PRRC2C: variants seen among roughly 807,000 people sequenced by gnomAD.
PRRC2C encodes the protein protein PRRC2C.
PRRC2C carries 72 observed loss-of-function variants against 317.2 expected under a neutral mutation model. The ratio of observed to expected loss-of-function variants is 0.23; its 90% CI spans 0.19 to 0.28. PRRC2C has a LOEUF of 0.28. Among genes scored for constraint, PRRC2C ranks in the 10% least tolerant of loss-of-function variants. The pLI is 1.00. For synonymous variants in PRRC2C, 1,296 were observed against 1,205.9 expected, an observed-to-expected ratio of 1.07 and a Z score of -1.55; for missense variants, 3,074 against 3,459.7, an observed-to-expected ratio of 0.89 and a Z score of 2.80.
At chr1:171,588,330 A>G (rs775894267) in intron 32 of PRRC2C, 49 bp from the exon 33 acceptor site, 2 of 1,586,050 alleles carry the variant, frequency 1.3e-6, no homozygotes, top group South Asian at 1.2e-5. Context: ...ATCTAACAGC[A>G]TTATTTACTT....
chr1:171,510,378 A>G (rs1294740192), intron 1 of PRRC2C: 3 of 152,218 alleles, frequency 2.0e-5, no homozygotes, highest in African/African-American at 7.2e-5. Context: ...AAATAACTTA[A>G]GCAAGTTGAC....
chr1:171,540,106 T>C lies in PRRC2C; in HGVS notation c.2640T>C (p.Ser880=). The C allele has an allele frequency of 6.2e-7, 1 of 1,613,980 alleles. No individual in the cohort carries two copies. Among genetic ancestry groups the C allele is most frequent in the Non-Finnish European group, 8.5e-7 (1 of 1,179,878 alleles). The change falls in exon 16 of 35, where the codon TCT becomes TCC. Residue 880 remains serine, a synonymous_variant. Coordinates refer to ENST00000647382, the MANE Select transcript of PRRC2C (RefSeq NM_001387844.1). ...AAGTACAAAAGTTTTTAAGCAGATC[T>C]GTGGAAGATGTTAGACCTCACCATA... ...EAQVQKFLSR[S]VEDVRPHHTD... is the part of the protein sequence containing the mutation.
chr1:171,540,565 G>A lies in PRRC2C; in HGVS notation c.3099G>A (p.Arg1033=), dbSNP rs1677773854. 3.1e-6 allele frequency: 5 copies of A among 1,613,912 alleles called. No individual in the cohort carries two copies. The Admixed American group carries it at 5.0e-5, about 16-fold the overall frequency. Residue 1033 remains arginine (R), a synonymous_variant, in exon 16 of 35, where the codon AGG becomes AGA. Transcript: ENST00000647382. ...LRDMKEEREQ[R]KEKEGEKAEK... ...ATATGAAAGAGGAACGGGAACAGAG[G>A]AAGGAGAAAGAAGGAGAAAAGGCCG...
chr1:171,571,513 ATGTG>A, intron 24 of PRRC2C, 92 bp downstream of exon 24: 1 of 924,218 alleles, frequency 1.1e-6, no homozygotes, highest in Non-Finnish European at 1.7e-6. Context: ...TACTAGATTT[ATGTG>A]GTAAGCAACA....
intron 32 of PRRC2C, 62 bp from the exon 33 acceptor site, chr1:171,588,317 A>G (rs1650528135): frequency 2.6e-6 from 4 of 1,563,056 alleles, no homozygotes; most frequent in African/African-American, 1.4e-5. Flanking sequence ...GGTGTTTGCA[A>G]AAATCTAACA....
chr1:171,514,762 C>T, intron 4 of PRRC2C, 117 bp downstream of exon 4: 1 of 863,380 alleles, frequency 1.2e-6, no homozygotes, highest in Non-Finnish European at 1.8e-6. Context: ...AAAGGATATA[C>T]TCAAGGCTCT....
At chr1:171,543,470 C>T (rs1470492024) in intron 16 of PRRC2C, among the ~76,000 whole-genome samples, 1 of 152,162 alleles carries the variant, frequency 6.6e-6, no homozygotes, top group Non-Finnish European at 1.5e-5. Flanking sequence ...TTTGCTTCCT[C>T]ACCGCTAAAA....
intron 17 of PRRC2C, among the ~76,000 whole-genome samples, chr1:171,549,327 G>A (rs1571937800): frequency 6.6e-6 from 1 of 152,156 alleles, no homozygotes; most frequent in East Asian, 1.9e-4. Context: ...ATGTGCCACA[G>A]CACTAAGCCA....
chr1:171,487,313 A>G (rs938819261), intron 1 of PRRC2C, among the ~76,000 whole-genome samples: 1 of 152,216 alleles, frequency 6.6e-6, no homozygotes, highest in Non-Finnish European at 1.5e-5. Flanking sequence ...TGTAGGTTCA[A>G]TTCCATACTG....
At position 171,517,713 on chromosome 1, in the gene PRRC2C, A is replaced by G; in HGVS notation, c.649A>G (p.Lys217Glu). The change falls in exon 6 of 35, where the codon AAA becomes GAA. Residue 217 changes from lysine (K) to glutamate (E), a missense_variant. Coordinates refer to ENST00000647382, the MANE Select transcript of PRRC2C (RefSeq NM_001387844.1). ...AGTSEQNDIL[K>E]VVEKRIACGP... ...AACATCAGAGCAAAATGATATCCTC[A>G]AAGTGGTGGAAAAGAGGATAGCTTG... 2 of 1,613,714 alleles carry G rather than the reference A, an allele frequency of 1.2e-6. No homozygotes were observed. Among genetic ancestry groups the G allele is most frequent in the East Asian group, 4.5e-5 (2 of 44,864 alleles).
chr1:171,536,084 A>G lies in PRRC2C; in HGVS notation c.2099A>G (p.Gln700Arg), dbSNP rs760631952. 1.5e-4 allele frequency: 233 copies of G among 1,554,850 alleles called. No individual in the cohort carries two copies. Among genetic ancestry groups the G allele is most frequent in the Non-Finnish European group, 1.8e-4 (211 of 1,148,484 alleles). The part of the protein sequence containing the change: ...QQQQQQGVLP[Q>R]TVPSQPSSST... Reference sequence around the variant, plus strand: ...CAGCAACAGCAAGGTGTACTTCCACAGACTGTTCCTTCACAACCGTCCAGT... The same window carrying G: ...CAGCAACAGCAAGGTGTACTTCCACGGACTGTTCCTTCACAACCGTCCAGT... Residue 700 changes from glutamine to arginine, a missense_variant, in exon 14 of 35, where the codon CAG becomes CGG. Transcript: ENST00000647382.
Position 171,523,305 on chromosome 1 carries a change from G to A in PRRC2C, c.918G>A (p.Glu306=), listed in dbSNP as rs1310251088. 6.2e-7 allele frequency: 1 copy of A among 1,613,912 alleles called. No homozygotes were observed. The highest frequency in any genetic ancestry group is 1.7e-5 in the Admixed American group (1 of 60,010). The stretch of plus-strand genomic sequence containing the variant: ...TTCTTAGTGCATCAGAACTGAAGGA[G>A]CTTGATAAATTTGATAACCTAGATG... ...PSILSASELK[E]LDKFDNLDAE... Residue 306 remains glutamate, a synonymous_variant, in exon 8 of 35, where the codon GAG becomes GAA. Transcript: ENST00000647382.
In PRRC2C at chr1:171,513,042, C is replaced by T. The variant is rs763689482; in HGVS notation, c.160C>T (p.Arg54Trp). 1 of 1,613,162 alleles carries T rather than the reference C, an allele frequency of 6.2e-7. No homozygotes were observed. Among genetic ancestry groups the T allele is most frequent in the Non-Finnish European group, 8.5e-7 (1 of 1,179,604 alleles). Residue 54 changes from arginine (R) to tryptophan (W), a missense_variant, in exon 3 of 35, where the codon CGG becomes TGG. Transcript: ENST00000647382. The stretch of plus-strand genomic sequence containing the variant: ...GAGTCTTGGAAAAGTCGGTATTTCA[C>T]GGCGTATGCCTCCACCTGCTAACCT... ...LQSLGKVGIS[R>W]RMPPPANLPS...
At chr1:171,500,211 C>T (rs10753120) in intron 1 of PRRC2C, among the ~76,000 whole-genome samples, 122,513 of 152,026 alleles carry the variant, frequency 0.81, 49,469 homozygotes, top group Middle Eastern at 0.9. Context: ...TGCAATTTGC[C>T]GAAGTATGGG....
At chr1:171,489,284 G>A (rs1408420189) in intron 1 of PRRC2C, among the ~76,000 whole-genome samples, 3 of 152,262 alleles carry the variant, frequency 2.0e-5, no homozygotes, top group South Asian at 2.1e-4. Context: ...TATGCATTGT[G>A]AGATTTATTT....
At position 171,589,516 on chromosome 1, in the gene PRRC2C, C is replaced by G; in HGVS notation, c.8347C>G (p.Pro2783Ala). ...AGGCCTCATGAGCCATGCTCGTTTG[C>G]CACATGTAGCCAGGGGTCCTTGTGG... ...TTGLMSHARLPHVARGPCGSL... is the reference protein window; with the variant it reads ...TTGLMSHARLAHVARGPCGSL... The change falls in exon 34 of 35, where the codon CCA becomes GCA. Residue 2783 changes from proline (P) to alanine (A), a missense_variant. Transcript: ENST00000647382. 1.6e-6 allele frequency: 2 copies of G among 1,289,802 alleles called. No individual in the cohort carries two copies. Among genetic ancestry groups the G allele is most frequent in the Non-Finnish European group, 2.0e-6 (2 of 988,864 alleles). 79.9% of individuals were successfully genotyped at this position (1,289,802 alleles called of 1,614,324 possible).
Position 171,512,148 on chromosome 1 carries a change from C to A in PRRC2C, c.60C>A (p.Leu20=). 1 of 1,582,518 alleles carries A rather than the reference C, an allele frequency of 6.3e-7. No individual in the cohort carries two copies. Among genetic ancestry groups the A allele is most frequent in the Non-Finnish European group, 8.6e-7 (1 of 1,163,638 alleles). ...AGGATGGGAAAAAGTATGCAACACT[C>A]AGTTTATTTAATACTTACAAGGGGA... ...KAKDGKKYAT[L]SLFNTYKGKS... Residue 20 remains leucine (L), a synonymous_variant, in exon 2 of 35, where the codon CTC becomes CTA. Coordinates refer to ENST00000647382, the MANE Select transcript of PRRC2C (RefSeq NM_001387844.1).
chr1:171,546,887 G>A (rs2102545594), intron 17 of PRRC2C, among the ~76,000 whole-genome samples: 1 of 152,130 alleles, frequency 6.6e-6, no homozygotes, highest in East Asian at 1.9e-4. Context: ...CAAAGTGCTG[G>A]GATTACGGGC....
At position 171,535,479 on chromosome 1, in the gene PRRC2C, C is replaced by T; in HGVS notation, c.1925C>T (p.Ala642Val). 6.2e-7 allele frequency: 1 copy of T among 1,613,958 alleles called. No homozygotes were observed. Among genetic ancestry groups the T allele is most frequent in the Non-Finnish European group, 8.5e-7 (1 of 1,179,850 alleles). ...GACAGCAATCGCAGTGAAAAGGAAG[C>T]CACACCAGTGGTGCATGAAACAGAA... Reference protein sequence around the residue: ...RQDSNRSEKEATPVVHETEPE... With the variant: ...RQDSNRSEKEVTPVVHETEPE... Residue 642 changes from alanine (A) to valine (V), a missense_variant, in exon 13 of 35, where the codon GCC becomes GTC. Physicochemically the swap from Ala to Val is moderately conservative, Grantham distance 64 (BLOSUM62 0). This residue lies in a region of PRRC2C where 1,320 missense variants were observed against 1,395.7 expected (regional missense o/e 0.95). Coordinates refer to ENST00000647382, the MANE Select transcript of PRRC2C (RefSeq NM_001387844.1).
Sources: allele counts gnomAD v4.1 joint callset (sites outside exome capture counted in the v4.1 genomes callset), GRCh38; gene constraint gnomAD v4.1.1; regional missense constraint gnomAD v4.1.1; transcripts MANE v1.5; gene names NCBI Gene and HGNC (gene_info 2026-07-23, HGNC 2026-07-21).